Variants in MAPK6 observed in about 807,000 individuals in gnomAD.
MAPK6 encodes mitogen-activated protein kinase 6, also known as ERK-3.
In MAPK6, 19 loss-of-function variants were observed where a neutral mutation model predicts 59.3. That is an observed-to-expected ratio of 0.32 (90% CI 0.22 to 0.47). The LOEUF is 0.47. Among genes scored for constraint, MAPK6 ranks in the 20% least tolerant of loss-of-function variants. The probability of loss-of-function intolerance (pLI) is 1.00; values close to 1 mark genes in which losing one functional copy is unlikely to be tolerated. For synonymous variants in MAPK6, 316 were observed against 290.3 expected (o/e 1.09, Z -0.90); for missense variants, 724 against 847.9 (o/e 0.85, Z 1.81).
intron 3 of MAPK6, among the ~76,000 whole-genome samples, chr15:52,010,506 C>T (rs1044452187): frequency 2.7e-5 from 4 of 148,836 alleles, no homozygotes; most frequent in Non-Finnish European, 4.4e-5. Context: ...TGAGCCATTG[C>T]ACCCAGCCTT....
In MAPK6 at chr15:52,064,030, G is replaced by A. The variant is rs1215512430; in HGVS notation, c.1196G>A (p.Arg399Gln). The A allele has an allele frequency of 2.5e-6, 4 of 1,613,764 alleles. No homozygotes were observed. The highest frequency in any genetic ancestry group is 3.4e-6 in the Non-Finnish European group (4 of 1,179,776). The change falls in exon 6 of 6, where the codon CGA becomes CAA. Residue 399 changes from arginine to glutamine, a missense_variant. Physicochemically the swap from Arg to Gln is conservative, Grantham distance 43. Around this residue, in one of 4 missense-constraint regions of MAPK6, gnomAD observed 502 missense variants for 507.6 expected, o/e 0.99. Coordinates refer to ENST00000261845, the MANE Select transcript of MAPK6 (RefSeq NM_002748.4). The stretch of plus-strand genomic sequence containing the variant: ...GAAGAAGAAGTACAAGTTGATCCCC[G>A]AAAATATTTGGATGGAGATCGGGAA... ...TDEEEVQVDPRKYLDGDREKY... is the reference protein window; with the variant it reads ...TDEEEVQVDPQKYLDGDREKY...
intron 1 of MAPK6, among the ~76,000 whole-genome samples, chr15:51,973,847 T>G (rs923067866): frequency 1.3e-5 from 2 of 151,878 alleles, no homozygotes; most frequent in Non-Finnish European, 2.9e-5. Context: ...AGATGGGATT[T>G]CATCATGTTA....
rs2031605461 is a variant in MAPK6, at chr15:52,046,769, T to C, written c.309T>C (p.Ser103=). 6.2e-7 allele frequency: 1 copy of C among 1,614,088 alleles called. No homozygotes were observed. The highest frequency in any genetic ancestry group is 8.5e-7 in the Non-Finnish European group (1 of 1,179,984). Residue 103 remains serine, a synonymous_variant, in exon 2 of 6, where the codon AGT becomes AGC. Coordinates refer to ENST00000261845, the MANE Select transcript of MAPK6 (RefSeq NM_002748.4). ...TGGGCTCTCTTACGGAACTGAACAG[T>C]GTTTACATTGTTCAGGAGTACATGG... The part of the protein sequence containing the change: ...DDVGSLTELN[S]VYIVQEYMET...
rs1483509959 is a variant in MAPK6, at chr15:52,065,206, ATAAAGAC to A, written c.*209_*215del. ...ACTGGCATGTCATTTGCACACAAAAATAAAGACTAGAGCAAAATAATGCAACGCAGGA... is the reference window on the plus strand; with the variant it reads ...ACTGGCATGTCATTTGCACACAAAAATAGAGCAAAATAATGCAACGCAGGA... On this transcript the variant is annotated 3_prime_UTR_variant, in exon 6 of 6. Transcript: ENST00000261845. The A allele has an allele frequency of 2.0e-6, 1 of 501,390 alleles. No individual in the cohort carries two copies. Among genetic ancestry groups the A allele is most frequent in the African/African-American group, 2.0e-5 (1 of 51,130 alleles). The allele number at this position is 501,390 out of a possible 1,614,324, so 31.1% of individuals were successfully genotyped here.
intron 2 of MAPK6, 31 bp downstream of exon 2, chr15:52,047,046 T>A: frequency 6.9e-7 from 1 of 1,444,528 alleles, no homozygotes; most frequent in Non-Finnish European, 9.3e-7. Context: ...GAGACAGATC[T>A]TTAAACTGAT....
intron 2 of MAPK6, 89 bp from the exon 3 acceptor site, chr15:52,049,904 C>A: frequency 8.2e-7 from 1 of 1,220,686 alleles, no homozygotes. Context: ...TGAGCCACCA[C>A]GCCTGGCAAA....
chr15:52,048,145 ATTTTTATTTAT>A (rs1482599682), intron 2 of MAPK6, among the ~76,000 whole-genome samples: 2 of 151,898 alleles, frequency 1.3e-5, no homozygotes, highest in Admixed American at 6.6e-5. Flanking sequence ...GATTATTTTT[ATTTTTATTTAT>A]TTATTTTTTT....
At chr15:52,043,858 C>T (rs1009965545) in intron 1 of MAPK6, among the ~76,000 whole-genome samples, 5 of 143,342 alleles carry the variant, frequency 3.5e-5, no homozygotes, top group African/African-American at 7.7e-5. Context: ...TCCCTGCAAC[C>T]TCTACCTACC....
intron 3 of MAPK6, among the ~76,000 whole-genome samples, chr15:52,006,681 C>T (rs1336132735): frequency 6.6e-6 from 1 of 152,098 alleles, no homozygotes; most frequent in African/African-American, 2.4e-5. Flanking sequence ...TTGCCAGGGG[C>T]CAATCAACCC....
At chr15:52,033,732 A>G (rs2031133668) in intron 1 of MAPK6, 1 of 151,954 alleles carries the variant, frequency 6.6e-6, no homozygotes, top group East Asian at 1.9e-4. Flanking sequence ...CATAAAACTT[A>G]TTATTTCTGT....
At chr15:51,991,645 G>C (rs1004159377) in intron 2 of MAPK6, among the ~76,000 whole-genome samples, 1 of 152,170 alleles carries the variant, frequency 6.6e-6, no homozygotes, top group South Asian at 2.1e-4. Flanking sequence ...ATCAGAAAAG[G>C]CTATGTCATA....
rs116929889 is a variant in MAPK6, at chr15:52,005,942, G to A, written c.-632+1540G>A. 4.0e-3 allele frequency among the ~76,000 whole-genome samples: 615 copies of A among 152,222 alleles called. 2 individuals are homozygous for A. The highest frequency in any genetic ancestry group is 6.3e-3 in the Non-Finnish European group (430 of 68,018). ...TGGAAGCAGGCCCATGTAGGAAATG[G>A]CCTTAAGCTCTCCAGAGTAGTAACT... On this transcript the variant is annotated intron_variant, in intron 3 of 7. Transcript: ENST00000691380.
chr15:52,020,603 T>C (rs2030487926), intron 1 of MAPK6, among the ~76,000 whole-genome samples: 1 of 152,212 alleles, frequency 6.6e-6, no homozygotes, highest in South Asian at 2.1e-4. Context: ...ATGTCCTCCC[T>C]CTTTAACGCT....
chr15:51,998,980 G>A (rs1156533414), intron 2 of MAPK6, among the ~76,000 whole-genome samples: 3 of 145,976 alleles, frequency 2.1e-5, no homozygotes, highest in Admixed American at 1.4e-4. Flanking sequence ...AGGAGCCACC[G>A]CGCCCGGCCT....
At chr15:52,009,526 T>C (rs2029994119) in intron 3 of MAPK6, among the ~76,000 whole-genome samples, 1 of 152,274 alleles carries the variant, frequency 6.6e-6, no homozygotes. Flanking sequence ...TTTGTATTAC[T>C]AGTTTAATTC....
intron 1 of MAPK6, among the ~76,000 whole-genome samples, chr15:52,024,140 A>G (rs2030658091): frequency 6.6e-6 from 1 of 152,222 alleles, no homozygotes; most frequent in Non-Finnish European, 1.5e-5. Flanking sequence ...ATCTGTATGC[A>G]TTTAATTCTG....
chr15:52,027,909 A>ACT (rs956832752), intron 1 of MAPK6: 1 of 145,734 alleles, frequency 6.9e-6, no homozygotes, highest in Non-Finnish European at 1.5e-5. Context: ...AGTAGTTGGG[A>ACT]CTGCAGGTGC....
At chr15:52,004,862 G>A (rs1274230701) in intron 3 of MAPK6, among the ~76,000 whole-genome samples, 2 of 152,068 alleles carry the variant, frequency 1.3e-5, no homozygotes, top group African/African-American at 4.8e-5. Flanking sequence ...GCTTTTTGGG[G>A]AACACGTTCA....
chr15:52,028,773 C>T, intron 1 of MAPK6, among the ~76,000 whole-genome samples: 1 of 152,198 alleles, frequency 6.6e-6, no homozygotes. Flanking sequence ...TTCTCTGATT[C>T]TCTTCCAAGC....
Sources: gnomAD v4.1 joint callset for allele counts (sites outside exome capture counted in the v4.1 genomes callset) on GRCh38, gnomAD v4.1.1 for gene constraint, gnomAD v4.1.1 regional missense constraint, MANE v1.5 for transcripts, NCBI Gene and HGNC (gene_info 2026-07-23, HGNC 2026-07-21) for gene names.